Variants in ARHGAP10 observed in about 807,000 individuals in gnomAD.
ARHGAP10 encodes rho GTPase-activating protein 10.
In ARHGAP10, 87 loss-of-function variants were observed where a neutral mutation model predicts 108.6. That is an observed-to-expected ratio of 0.80 (90% confidence interval 0.67 to 0.96). The LOEUF (loss-of-function observed/expected upper bound fraction) is 0.96. ARHGAP10 is among the 40% of genes least tolerant of loss of function. The pLI is 0.00. For missense variants in ARHGAP10, 939 were observed against 954.5 expected, an observed-to-expected ratio of 0.98 and a Z score of 0.21; for synonymous variants, 347 against 341.1, an observed-to-expected ratio of 1.02 and a Z score of -0.19.
At chr4:148,020,301 T>G (rs1452087335) in intron 18 of ARHGAP10, among the ~76,000 whole-genome samples, 1 of 152,186 alleles carries the variant, frequency 6.6e-6, no homozygotes, top group Non-Finnish European at 1.5e-5. Flanking sequence ...TTTTTTTCCC[T>G]TCAGCTTTTA....
At chr4:147,928,572 G>A (rs1737550658) in intron 13 of ARHGAP10, among the ~76,000 whole-genome samples, 2 of 152,182 alleles carry the variant, frequency 1.3e-5, no homozygotes, top group African/African-American at 4.8e-5. Context: ...ATTAGTTGGT[G>A]GCAAATAATA....
At chr4:147,970,138 T>A (rs1739351260) in intron 18 of ARHGAP10, among the ~76,000 whole-genome samples, 1 of 152,162 alleles carries the variant, frequency 6.6e-6, no homozygotes, top group Non-Finnish European at 1.5e-5. Context: ...CAGTTGGACT[T>A]CACTGCAGAG....
chr4:147,893,933 G>A (rs1329217667), intron 10 of ARHGAP10, among the ~76,000 whole-genome samples: 1 of 152,100 alleles, frequency 6.6e-6, no homozygotes, highest in African/African-American at 2.4e-5. Flanking sequence ...GTGATGTATT[G>A]AAAGACACAT....
chr4:147,843,266 C>T (rs1295507352), intron 3 of ARHGAP10, among the ~76,000 whole-genome samples: 1 of 152,212 alleles, frequency 6.6e-6, no homozygotes, highest in African/African-American at 2.4e-5. Context: ...GACATGCTCT[C>T]ATCTCTTAAA....
chr4:147,782,988 TTATA>T (rs879731694), intron 1 of ARHGAP10, among the ~76,000 whole-genome samples: 4 of 141,394 alleles, frequency 2.8e-5, no homozygotes, highest in Admixed American at 1.5e-4. Flanking sequence ...ATTATATAAA[TTATA>T]TATATTATAT....
chr4:147,848,072 C>A (rs1024458675), intron 4 of ARHGAP10, among the ~76,000 whole-genome samples: 1 of 145,192 alleles, frequency 6.9e-6, no homozygotes, highest in African/African-American at 2.5e-5. Context: ...TTTTTCCCCC[C>A]ACGTGGCTGG....
At chr4:147,835,908 T>C (rs1314121209) in intron 3 of ARHGAP10, among the ~76,000 whole-genome samples, 1 of 152,244 alleles carries the variant, frequency 6.6e-6, no homozygotes, top group African/African-American at 2.4e-5. Flanking sequence ...AGCGAGGTTC[T>C]TACTGTCCCT....
At chr4:147,888,969 A>G (rs1274207388) in intron 10 of ARHGAP10, among the ~76,000 whole-genome samples, 2 of 152,178 alleles carry the variant, frequency 1.3e-5, no homozygotes, top group Non-Finnish European at 2.9e-5. Context: ...TTCCTTGTCT[A>G]TTAGATTATG....
At chr4:147,976,503 T>C (rs1348638086) in intron 18 of ARHGAP10, among the ~76,000 whole-genome samples, 2 of 151,982 alleles carry the variant, frequency 1.3e-5, no homozygotes, top group Non-Finnish European at 2.9e-5. Context: ...TGTTGACTTG[T>C]TTGGCATTGC....
At chr4:147,989,643 G>A (rs372551006) in intron 18 of ARHGAP10, among the ~76,000 whole-genome samples, 1 of 152,272 alleles carries the variant, frequency 6.6e-6, no homozygotes, top group South Asian at 2.1e-4. Flanking sequence ...CCAGCTCACC[G>A]GCGGTCAGAG....
intron 13 of ARHGAP10, among the ~76,000 whole-genome samples, chr4:147,937,810 T>C (rs1738014957): frequency 6.6e-6 from 1 of 152,100 alleles, no homozygotes. Flanking sequence ...TGAAACCCCA[T>C]CTCTACTAAA....
rs569289277 is a variant in ARHGAP10, at chr4:148,001,136, T to C, written c.1717-22127T>C. 7.9e-5 allele frequency among the ~76,000 whole-genome samples: 12 copies of C among 152,384 alleles called. No homozygotes were observed. In the South Asian group the frequency reaches 2.5e-3, roughly 32 times the overall value. ...CCAGTTTCAGCTTCCTACATATGGC[T>C]AGCCAGTTTTCCCAGCACCTTTTAT... On this transcript the variant is annotated intron_variant, in intron 18 of 22. Transcript: ENST00000336498.
At chr4:147,976,218 T>C (rs1336934367) in intron 18 of ARHGAP10, among the ~76,000 whole-genome samples, 1 of 152,158 alleles carries the variant, frequency 6.6e-6, no homozygotes, top group African/African-American at 2.4e-5. Context: ...TGCCATTTAA[T>C]GGGAAAAAGA....
At chr4:147,743,047 A>G (rs999164995) in intron 1 of ARHGAP10, among the ~76,000 whole-genome samples, 1 of 117,280 alleles carries the variant, frequency 8.5e-6, no homozygotes, top group Non-Finnish European at 1.9e-5. Context: ...TTTAATTTTT[A>G]TTTTTGGAGA....
intron 18 of ARHGAP10, among the ~76,000 whole-genome samples, chr4:147,985,044 A>G (rs1231055932): frequency 6.6e-6 from 1 of 152,142 alleles, no homozygotes; most frequent in African/African-American, 2.4e-5. Context: ...ACCTGGTCTC[A>G]AGTTCTCTGC....
intron 7 of ARHGAP10, among the ~76,000 whole-genome samples, chr4:147,870,928 C>CTGTGTGTATG (rs1553958673): frequency 1.4e-5 from 2 of 139,056 alleles, no homozygotes; most frequent in African/African-American, 5.2e-5. Context: ...AAACTACAGA[C>CTGTGTGTATG]TGTGTGTGTG....
At chr4:148,015,135 A>G (rs540106159) in intron 18 of ARHGAP10, among the ~76,000 whole-genome samples, 69 of 152,238 alleles carry the variant, frequency 4.5e-4, no homozygotes, top group Middle Eastern at 3.4e-3. Context: ...AGGACTCCAA[A>G]CAGGGCCCTT....
At chr4:148,036,750 G>A (rs999279825) in intron 19 of ARHGAP10, among the ~76,000 whole-genome samples, 1 of 152,172 alleles carries the variant, frequency 6.6e-6, no homozygotes, top group African/African-American at 2.4e-5. Context: ...GGGAGTGCCA[G>A]GTTTTCTTTG....
At chr4:148,059,319 A>G (rs1480260642) in intron 20 of ARHGAP10, among the ~76,000 whole-genome samples, 1 of 152,190 alleles carries the variant, frequency 6.6e-6, no homozygotes, top group Non-Finnish European at 1.5e-5. Context: ...GCAAACTGCA[A>G]CTTGGCTTTC....
Sources: gnomAD v4.1 joint callset for allele counts (sites outside exome capture counted in the v4.1 genomes callset) on GRCh38, gnomAD v4.1.1 for gene constraint, MANE v1.5 for transcripts, NCBI Gene and HGNC (gene_info 2026-07-23, HGNC 2026-07-21) for gene names.